Variants in SDK1 observed in about 807,000 individuals in gnomAD.
SDK1 encodes sidekick cell adhesion molecule 1, also known as protein sidekick-1.
SDK1 carries 157 observed loss-of-function variants against 245.5 expected under a neutral mutation model. The ratio of observed to expected loss-of-function variants is 0.64; its 90% CI spans 0.56 to 0.73. The LOEUF (loss-of-function observed/expected upper bound fraction) is 0.73. Ranked by LOEUF, SDK1 falls within the 30% of genes least tolerant of loss-of-function variation. The pLI is 0.00. For synonymous variants in SDK1, 1,647 were observed against 1,278.5 expected (o/e 1.29, Z -6.15); for missense variants, 3,583 against 3,002.3 (o/e 1.19, Z -4.52).
intron 10 of SDK1, among the ~76,000 whole-genome samples, chr7:3,968,163 T>C (rs914963781): frequency 3.3e-5 from 5 of 152,192 alleles, no homozygotes; most frequent in Non-Finnish European, 7.4e-5. Flanking sequence ...ACGGCCTTTG[T>C]TTTGTTGAAG....
At chr7:3,661,823 G>C (rs1304851326) in intron 4 of SDK1, among the ~76,000 whole-genome samples, 1 of 152,044 alleles carries the variant, frequency 6.6e-6, no homozygotes, top group African/African-American at 2.4e-5. Flanking sequence ...CTGGGCTTCC[G>C]GGCACCACAC....
intron 4 of SDK1, among the ~76,000 whole-genome samples, chr7:3,725,936 C>T (rs906589887): frequency 4.6e-5 from 7 of 152,126 alleles, no homozygotes; most frequent in Admixed American, 1.3e-4. Flanking sequence ...AAATAATGAC[C>T]GGTTTGAGAA....
intron 25 of SDK1, among the ~76,000 whole-genome samples, chr7:4,125,496 T>C (rs1054161784): frequency 2.0e-5 from 3 of 150,918 alleles, no homozygotes; most frequent in Admixed American, 1.3e-4. Flanking sequence ...GATTGATGGA[T>C]GGATGGATGG....
At chr7:3,605,145 A>AACACACACACAGACAC (rs1781380331) in intron 1 of SDK1, among the ~76,000 whole-genome samples, 1 of 147,316 alleles carries the variant, frequency 6.8e-6, no homozygotes, top group African/African-American at 2.5e-5. Flanking sequence ...AAAAACAAGA[A>AACACACACACAGACAC]ACACACACAC....
intron 5 of SDK1, among the ~76,000 whole-genome samples, chr7:3,824,702 C>A (rs528452938): frequency 1.3e-3 from 201 of 152,230 alleles, no homozygotes; most frequent in Non-Finnish European, 2.3e-3. Flanking sequence ...AAAACGTCAC[C>A]CCTTTTCAAT....
rs74418547 is a variant in SDK1 at position 4,054,283 on chromosome 7, G to A, written c.2911+2453G>A. 4.0e-3 allele frequency among the ~76,000 whole-genome samples: 602 copies of A among 152,272 alleles called. 7 individuals carry two copies. Among genetic ancestry groups the A allele is most frequent in the South Asian group, 0.039 (188 of 4,824 alleles). ...TATTGAGAGCATTACAGATTCATATGCAATTATATGAAATAATATTGAGAC... is the reference window on the plus strand; with the variant it reads ...TATTGAGAGCATTACAGATTCATATACAATTATATGAAATAATATTGAGAC... On this transcript the variant is annotated intron_variant, in intron 19 of 44. Transcript: ENST00000404826.
chr7:3,369,805 T>A (rs1006181808), intron 1 of SDK1, among the ~76,000 whole-genome samples: 8 of 152,188 alleles, frequency 5.3e-5, no homozygotes, highest in Admixed American at 3.3e-4. Flanking sequence ...AAATGTGTGG[T>A]AGATTTTTCA....
chr7:4,163,645 G>T (rs936034183), intron 32 of SDK1, among the ~76,000 whole-genome samples: 3 of 152,148 alleles, frequency 2.0e-5, no homozygotes, highest in African/African-American at 7.2e-5. Context: ...AGGTGCCAGA[G>T]ATGCCTGCTG....
At chr7:3,444,593 C>A (rs1780292084) in intron 1 of SDK1, among the ~76,000 whole-genome samples, 3 of 152,176 alleles carry the variant, frequency 2.0e-5, no homozygotes, top group Admixed American at 2.0e-4. Context: ...ACACACTCTT[C>A]TGTTGTTCGT....
intron 20 of SDK1, among the ~76,000 whole-genome samples, chr7:4,074,383 G>T (rs1341684652): frequency 6.6e-6 from 1 of 152,104 alleles, no homozygotes; most frequent in East Asian, 1.9e-4. Context: ...ATCCACTGAG[G>T]GCTGTCTTGG....
chr7:3,416,514 G>C (rs1183585319), intron 1 of SDK1, among the ~76,000 whole-genome samples: 1 of 150,182 alleles, frequency 6.7e-6, no homozygotes, highest in East Asian at 2.0e-4. Flanking sequence ...CCTGCAGAAA[G>C]GTGCCAGCTA....
intron 1 of SDK1, among the ~76,000 whole-genome samples, chr7:3,526,909 T>C (rs920441503): frequency 3.9e-5 from 6 of 152,190 alleles, no homozygotes; most frequent in Non-Finnish European, 8.8e-5. Flanking sequence ...AAAGGCTTTT[T>C]CCTTGAGACA....
chr7:3,541,150 CT>C (rs1486045636), intron 1 of SDK1, among the ~76,000 whole-genome samples: 1 of 152,228 alleles, frequency 6.6e-6, no homozygotes, highest in Non-Finnish European at 1.5e-5. Flanking sequence ...AAAGTATATT[CT>C]TAAGTATAAC....
intron 21 of SDK1, among the ~76,000 whole-genome samples, chr7:4,078,331 T>G (rs926506940): frequency 6.6e-6 from 1 of 152,212 alleles, no homozygotes; most frequent in African/African-American, 2.4e-5. Context: ...TTATCGCCAT[T>G]AATGATTGAA....
intron 4 of SDK1, among the ~76,000 whole-genome samples, chr7:3,694,103 G>A (rs7789049): frequency 0.82 from 124,289 of 152,180 alleles, 50,888 homozygotes; most frequent in Non-Finnish European, 0.85. Flanking sequence ...AAGTGTGCCC[G>A]ATTGGAAGGC....
chr7:3,900,768 C>G (rs1562522802), intron 5 of SDK1, among the ~76,000 whole-genome samples: 3 of 152,072 alleles, frequency 2.0e-5, no homozygotes, highest in African/African-American at 2.4e-5. Flanking sequence ...TTTGCATGCT[C>G]TGTCACACAC....
chr7:3,551,427 C>T (rs960126926), intron 1 of SDK1, among the ~76,000 whole-genome samples: 1 of 152,136 alleles, frequency 6.6e-6, no homozygotes, highest in Non-Finnish European at 1.5e-5. Flanking sequence ...GTTTCTCCCT[C>T]ATTTCTTGGG....
intron 4 of SDK1, among the ~76,000 whole-genome samples, chr7:3,676,237 T>C (rs1025721683): frequency 6.6e-6 from 1 of 151,948 alleles, no homozygotes. Flanking sequence ...CAGACTGGTC[T>C]CAAACTCCTG....
At chr7:3,413,328 A>G (rs1296973550) in intron 1 of SDK1, among the ~76,000 whole-genome samples, 1 of 152,244 alleles carries the variant, frequency 6.6e-6, no homozygotes, top group African/African-American at 2.4e-5. Context: ...GGGTCAGACC[A>G]AGTAGATCCT....
Sources: allele counts gnomAD v4.1 joint callset (sites outside exome capture counted in the v4.1 genomes callset), GRCh38; gene constraint gnomAD v4.1.1; transcripts MANE v1.5; gene names NCBI Gene and HGNC (gene_info 2026-07-23, HGNC 2026-07-21).